TIGAR: variants seen among roughly 807,000 people sequenced by gnomAD.
TIGAR encodes TP53 induced glycolysis regulatory phosphatase.
TIGAR carries 7 observed loss-of-function variants against 17.9 expected under a neutral mutation model. That is an observed-to-expected ratio of 0.39 (90% CI 0.22 to 0.73). TIGAR has a LOEUF of 0.73. TIGAR is among the 30% of genes least tolerant of loss of function. TIGAR has a pLI of 0.42. For synonymous variants in TIGAR, 94 were observed against 108.6 expected (o/e 0.87, Z 0.84); for missense variants, 258 against 327.4 (o/e 0.79, Z 1.64).
rs900655669 is a variant in TIGAR at position 4,352,837 on chromosome 12, T to C, written c.*146T>C. The C allele has an allele frequency of 2.9e-6, 2 of 682,250 alleles. No homozygotes were observed. The highest frequency in any genetic ancestry group is 5.9e-5 in the Admixed American group (2 of 33,762). The allele number at this position is 682,250 out of a possible 1,614,324, so 42.3% of individuals were successfully genotyped here. A position where few individuals can be genotyped will look rare whatever the true frequency, so the allele number is the denominator to read the frequency against. ...CAGTGGAACCATAGCCACATAAAAC[T>C]TTAATGGACAACCATATAGAATTAA... On this transcript the variant is annotated 3_prime_UTR_variant, in exon 6 of 6. Transcript: ENST00000179259.
intron 3 of TIGAR, among the ~76,000 whole-genome samples, chr12:4,338,079 A>G: frequency 6.6e-6 from 1 of 152,112 alleles, no homozygotes; most frequent in Non-Finnish European, 1.5e-5. Flanking sequence ...GCAGTGAGCC[A>G]AGATCGTGCC....
intron 4 of TIGAR, 150 bp from the exon 5 acceptor site, chr12:4,351,117 C>G (rs1864833406): frequency 3.0e-6 from 2 of 661,908 alleles, no homozygotes; most frequent in East Asian, 5.6e-5. Flanking sequence ...TGAGTACATT[C>G]TCATTATCAG....
At position 4,354,872 on chromosome 12, in the gene TIGAR, C is replaced by G. The variant is rs953745957; in HGVS notation, c.*2181C>G. ...TCAGCCTCCTGAGTAGCTGGGACTA[C>G]AGGCATGCACCACCACGCCTGGCCT... On this transcript the variant is annotated 3_prime_UTR_variant, in exon 6 of 6. Transcript: ENST00000179259. Among the ~76,000 whole-genome samples, 16 of 150,000 alleles carry G rather than the reference C, an allele frequency of 1.1e-4. No individual in the cohort carries two copies. The highest frequency in any genetic ancestry group is 3.7e-4 in the African/African-American group (15 of 40,622).
chr12:4,331,136 G>C, intron 1 of TIGAR, 144 bp from the exon 2 acceptor site: 1 of 717,606 alleles, frequency 1.4e-6, no homozygotes, highest in Non-Finnish European at 2.4e-6. Context: ...AGAATAAATT[G>C]TTTTTACAGG....
Position 4,359,224 on chromosome 12 carries a change from G to A in TIGAR, c.*6533G>A, listed in dbSNP as rs1864948641. 6.6e-6 allele frequency among the ~76,000 whole-genome samples: 1 copy of A among 151,668 alleles called. No homozygotes were observed. Among genetic ancestry groups the A allele is most frequent in the Admixed American group, 6.6e-5 (1 of 15,208 alleles). ...CTTGCCTACTTATTTATGTCAGTAT[G>A]AGCTCAGAAGTTCTTATTCAGGGGC... On this transcript the variant is annotated 3_prime_UTR_variant, in exon 6 of 6. Transcript: ENST00000179259.
chr12:4,324,570 C>A, intron 1 of TIGAR: 1 of 1,604,590 alleles, frequency 6.2e-7, no homozygotes, highest in South Asian at 1.1e-5. Context: ...TCATGTCCCG[C>A]AGGTGCGTCT....
rs1864930900 is a variant in TIGAR at position 4,358,157 on chromosome 12, A to C, written c.*5466A>C. ...AATAATGGGCTGTGCATGGTGACTC[A>C]GGCCTGTAATCCCAGCACTTTGGGA... On this transcript the variant is annotated 3_prime_UTR_variant, in exon 6 of 6. Coordinates refer to ENST00000179259, the MANE Select transcript of TIGAR (RefSeq NM_020375.3). Among the ~76,000 whole-genome samples, 1 of 149,472 alleles carries C rather than the reference A, an allele frequency of 6.7e-6. No homozygotes were observed. Among genetic ancestry groups the C allele is most frequent in the Non-Finnish European group, 1.5e-5 (1 of 67,440 alleles).
At chr12:4,323,644 C>T (rs886552700) in intron 1 of TIGAR, among the ~76,000 whole-genome samples, 3 of 152,162 alleles carry the variant, frequency 2.0e-5, no homozygotes, top group East Asian at 1.9e-4. Flanking sequence ...TACCACTCAC[C>T]GTCTTTTGTT....
At chr12:4,337,352 G>A (rs1319753970) in intron 3 of TIGAR, among the ~76,000 whole-genome samples, 192 bp downstream of exon 3, 1 of 152,182 alleles carries the variant, frequency 6.6e-6, no homozygotes, top group East Asian at 1.9e-4. Flanking sequence ...TTTTAGTAGA[G>A]ATGGGGTTTT....
At chr12:4,333,316 G>A (rs534383718) in intron 2 of TIGAR, among the ~76,000 whole-genome samples, 26 of 147,860 alleles carry the variant, frequency 1.8e-4, no homozygotes, top group African/African-American at 6.0e-4. Flanking sequence ...TTGAGACAGA[G>A]TCTTGCTCTG....
At chr12:4,352,164 A>G (rs1169321912) in intron 5 of TIGAR, 96 bp from the exon 6 acceptor site, 3 of 1,022,430 alleles carry the variant, frequency 2.9e-6, no homozygotes, top group Non-Finnish European at 4.2e-6. Flanking sequence ...TTGGCATTCA[A>G]TATTAGAAAA....
At chr12:4,348,802 C>T (rs767334688) in intron 3 of TIGAR, among the ~76,000 whole-genome samples, 1 of 151,908 alleles carries the variant, frequency 6.6e-6, no homozygotes, top group Non-Finnish European at 1.5e-5. Flanking sequence ...GTGACAGGGT[C>T]GCTTGTCAAT....
intron 1 of TIGAR, among the ~76,000 whole-genome samples, chr12:4,327,678 C>G (rs1016603248): frequency 1.3e-5 from 2 of 152,176 alleles, no homozygotes; most frequent in African/African-American, 4.8e-5. Flanking sequence ...TTAAGGGCTA[C>G]AAGCCACTGT....
chr12:4,332,480 T>C (rs1864614531), intron 2 of TIGAR, among the ~76,000 whole-genome samples: 1 of 152,144 alleles, frequency 6.6e-6, no homozygotes, highest in Admixed American at 6.6e-5. Context: ...CTGACCTCAG[T>C]TGATATGCCT....
chr12:4,356,782 C>G lies in TIGAR; in HGVS notation c.*4091C>G, dbSNP rs1419433596. Among the ~76,000 whole-genome samples the G allele has an allele frequency of 6.6e-6, 1 of 152,114 alleles. No individual in the cohort carries two copies. The highest frequency in any genetic ancestry group is 1.5e-5 in the Non-Finnish European group (1 of 68,006). ...TTGCCTGTTTCTGTTAGGTTTAGTC[C>G]GAGGCCTAGCAGAGGGAATGGGCAG... On this transcript the variant is annotated 3_prime_UTR_variant, in exon 6 of 6. Coordinates refer to ENST00000179259, the MANE Select transcript of TIGAR (RefSeq NM_020375.3).
intron 1 of TIGAR, among the ~76,000 whole-genome samples, chr12:4,329,723 A>G (rs924467570): frequency 3.3e-5 from 5 of 152,120 alleles, no homozygotes; most frequent in Non-Finnish European, 7.4e-5. Flanking sequence ...TGTCATTTTG[A>G]TAGGTATTTC....
intron 2 of TIGAR, among the ~76,000 whole-genome samples, chr12:4,335,002 C>G (rs1446846446): frequency 6.6e-6 from 1 of 151,358 alleles, no homozygotes; most frequent in East Asian, 1.9e-4. Context: ...AAATTCTTAG[C>G]TATTTTCTTT....
intron 4 of TIGAR, among the ~76,000 whole-genome samples, chr12:4,351,066 T>G (rs1864832993): frequency 6.6e-6 from 1 of 152,212 alleles, no homozygotes; most frequent in East Asian, 1.9e-4. Context: ...GTGTACAACT[T>G]AAGATTTCAA....
At position 4,352,307 on chromosome 12, in the gene TIGAR, C is replaced by A. The variant is rs768352190; in HGVS notation, c.429C>A (p.Ile143=). The change falls in exon 6 of 6, where the codon ATC becomes ATA. Residue 143 remains isoleucine, a synonymous_variant. Coordinates refer to ENST00000179259, the MANE Select transcript of TIGAR (RefSeq NM_020375.3). ...TTTTTGAATTTCTTTGTCAACTAAT[C>A]CTGAAAGAAGCGGATCAAAAAGAAC... ...IDFFEFLCQL[I]LKEADQKEQF... 4.3e-6 allele frequency: 7 copies of A among 1,613,724 alleles called. No homozygotes were observed. The highest frequency in any genetic ancestry group is 5.9e-6 in the Non-Finnish European group (7 of 1,179,818).
Sources: gnomAD v4.1 joint callset for allele counts (sites outside exome capture counted in the v4.1 genomes callset) on GRCh38, gnomAD v4.1.1 for gene constraint, MANE v1.5 for transcripts, NCBI Gene and HGNC (gene_info 2026-07-23, HGNC 2026-07-21) for gene names.